HMSD: variants seen among roughly 807,000 people sequenced by gnomAD.
HMSD encodes the protein histocompatibility minor serpin domain containing.
HMSD carries 13 observed loss-of-function variants against 10.0 expected under a neutral mutation model. The ratio of observed to expected loss-of-function variants is 1.31; its 90% CI spans 0.85 to 2.08. The LOEUF (loss-of-function observed/expected upper bound fraction) is 2.08. Among genes scored for constraint, HMSD ranks in the 30% most tolerant of loss-of-function variants. HMSD has a pLI of 0.00. For synonymous variants in HMSD, 51 were observed against 54.2 expected (o/e 0.94, Z 0.26); for missense variants, 169 against 166.3 (o/e 1.02, Z -0.09).
rs1344318793 is a variant in HMSD, at chr18:63,953,171, A to G, written c.-102-183A>G. Among the ~76,000 whole-genome samples the G allele has an allele frequency of 8.5e-5, 13 of 152,188 alleles. No homozygotes were observed. In the East Asian group the frequency reaches 2.5e-3, roughly 29 times the overall value. ...GTGCAGACATTCACTCACAGCACCTATCTCATCAGCTTGTATGGATTAAAT... is the reference window on the plus strand; with the variant it reads ...GTGCAGACATTCACTCACAGCACCTGTCTCATCAGCTTGTATGGATTAAAT... On this transcript the variant is annotated intron_variant, in intron 1 of 3. Coordinates refer to ENST00000408945, the MANE Select transcript of HMSD (RefSeq NM_001123366.2).
At chr18:63,955,109 C>T (rs2050351443) in intron 3 of HMSD, among the ~76,000 whole-genome samples, 1 of 152,200 alleles carries the variant, frequency 6.6e-6, no homozygotes, top group Non-Finnish European at 1.5e-5. Flanking sequence ...TTTCTTATGC[C>T]ACAACTCCCC....
chr18:63,963,107 TTCTTTC>T (rs1163004826), downstream of HMSD, among the ~76,000 whole-genome samples: 1 of 134,250 alleles, frequency 7.4e-6, no homozygotes, highest in Non-Finnish European at 1.6e-5. Context: ...CTTTCTTTCT[TTCTTTC>T]TTTCTTTCTT....
At chr18:63,955,558 CA>C (rs1392584595) in intron 3 of HMSD, among the ~76,000 whole-genome samples, 1 of 152,090 alleles carries the variant, frequency 6.6e-6, no homozygotes, top group African/African-American at 2.4e-5. Context: ...TTACATTCTG[CA>C]GGGGGTATTT....
rs200019033 is a variant in HMSD at position 63,954,596 on chromosome 18, A to T, written c.222+39A>T. The T allele has an allele frequency of 1.3e-4, 200 of 1,566,928 alleles. No individual in the cohort carries two copies. The African/African-American group carries it at 2.5e-3, about 20-fold the overall frequency. On this transcript the variant is annotated intron_variant, in intron 3 of 3. Transcript: ENST00000408945. ...GTTTATTAGGAAAATAAAGATAGCA[A>T]TGTGGTGGGAAGTAGGAGAATGAAT...
At chr18:63,964,970 C>A (rs1056402842), downstream of HMSD, among the ~76,000 whole-genome samples, 2 of 152,196 alleles carry the variant, frequency 1.3e-5, no homozygotes, top group African/African-American at 2.4e-5. Context: ...CCTTCTACAT[C>A]TGCTGCCATT....
At chr18:63,952,877 A>G (rs926436935) in intron 1 of HMSD, among the ~76,000 whole-genome samples, 11 of 152,228 alleles carry the variant, frequency 7.2e-5, no homozygotes, top group African/African-American at 2.7e-4. Flanking sequence ...GTCCCAATTT[A>G]CATAATCACA....
downstream of HMSD, among the ~76,000 whole-genome samples, chr18:63,963,109 C>CT (rs1179352628): frequency 1.5e-5 from 2 of 133,012 alleles, no homozygotes; most frequent in African/African-American, 3.1e-5. Context: ...TTCTTTCTTT[C>CT]TTTCTTTCTT....
At chr18:63,958,213 G>C (rs1161507532) in intron 3 of HMSD, among the ~76,000 whole-genome samples, 1 of 152,140 alleles carries the variant, frequency 6.6e-6, no homozygotes, top group Non-Finnish European at 1.5e-5. Context: ...ATTTCATCAG[G>C]ACTTCACAGT....
chr18:63,949,733 C>T (rs929193287), intron 1 of HMSD, among the ~76,000 whole-genome samples: 1 of 152,144 alleles, frequency 6.6e-6, no homozygotes, highest in Non-Finnish European at 1.5e-5. Flanking sequence ...AATGAGGCCT[C>T]CCACCCTGGT....
downstream of HMSD, among the ~76,000 whole-genome samples, chr18:63,963,144 TCTCTCTC>T (rs2050396700): frequency 1.4e-5 from 2 of 141,562 alleles, no homozygotes; most frequent in South Asian, 2.2e-4. Context: ...CTTTCTTTCT[TCTCTCTC>T]TCTTCTTTCT....
intron 3 of HMSD, among the ~76,000 whole-genome samples, chr18:63,959,686 T>A (rs1271431739): frequency 6.6e-6 from 1 of 152,200 alleles, no homozygotes; most frequent in African/African-American, 2.4e-5. Context: ...TCAACTATGT[T>A]CTTTACTAAT....
intron 1 of HMSD, among the ~76,000 whole-genome samples, chr18:63,950,789 T>G (rs1044667451): frequency 2.6e-5 from 4 of 152,110 alleles, no homozygotes; most frequent in African/African-American, 9.7e-5. Flanking sequence ...GTCCTTACAT[T>G]TGTTTGGCTT....
intron 1 of HMSD, among the ~76,000 whole-genome samples, 159 bp downstream of exon 1, chr18:63,949,559 G>C (rs1331376177): frequency 6.6e-6 from 1 of 152,210 alleles, no homozygotes; most frequent in Non-Finnish European, 1.5e-5. Context: ...TTCTTTACTC[G>C]GTCTCTGGCG....
chr18:63,953,267 C>A, intron 1 of HMSD, 87 bp from the exon 2 acceptor site: 2 of 529,938 alleles, frequency 3.8e-6, no homozygotes, highest in Non-Finnish European at 6.9e-6. Flanking sequence ...AACAAGTATC[C>A]ATTTAACTAG....
Position 63,960,343 on chromosome 18 carries a change from C to A in HMSD, c.408C>A (p.Asn136Lys). 3 of 1,580,806 alleles carry A rather than the reference C, an allele frequency of 1.9e-6. No homozygotes were observed. Among genetic ancestry groups the A allele is most frequent in the Non-Finnish European group, 2.6e-6 (3 of 1,164,808 alleles). Residue 136 changes from asparagine (N) to lysine (K), a missense_variant, in exon 4 of 4, where the codon AAC becomes AAA. Coordinates refer to ENST00000408945, the MANE Select transcript of HMSD (RefSeq NM_001123366.2). Reference protein sequence around the residue: ...LNSFIVSSLQNCQI With the variant: ...LNSFIVSSLQKCQI Reference sequence around the variant, plus strand: ...GTTTTATAGTCAGTTCTTTACAAAACTGTCAAATATAAAAAGGAGTCCTTT... The same window carrying A: ...GTTTTATAGTCAGTTCTTTACAAAAATGTCAAATATAAAAAGGAGTCCTTT...
At chr18:63,950,802 A>G (rs2050326633) in intron 1 of HMSD, among the ~76,000 whole-genome samples, 1 of 152,224 alleles carries the variant, frequency 6.6e-6, no homozygotes. Flanking sequence ...TTTGGCTTTA[A>G]AAAGCAGTAT....
rs913496171 is a variant in HMSD, at chr18:63,960,996, G to C, written c.*641G>C. 1.3e-5 allele frequency: 2 copies of C among 152,450 alleles called. No individual in the cohort carries two copies. Among genetic ancestry groups the C allele is most frequent in the Admixed American group, 1.3e-4 (2 of 15,286 alleles). The allele number at this position is 152,450 out of a possible 1,614,324, so 9.4% of individuals were successfully genotyped here. On this transcript the variant is annotated 3_prime_UTR_variant, in exon 4 of 4. Coordinates refer to ENST00000408945, the MANE Select transcript of HMSD (RefSeq NM_001123366.2). Reference sequence around the variant, plus strand: ...TTGGACTTGGAAAGAAGTCTGAAAGGTGGGGAATAATCAGCCCATATGATT... The same window carrying C: ...TTGGACTTGGAAAGAAGTCTGAAAGCTGGGGAATAATCAGCCCATATGATT...
intron 3 of HMSD, among the ~76,000 whole-genome samples, chr18:63,967,020 A>G (rs1370050125): frequency 6.6e-6 from 1 of 152,180 alleles, no homozygotes; most frequent in Non-Finnish European, 1.5e-5. Flanking sequence ...AAAACCAGGG[A>G]AGATTGCTGG....
At chr18:63,963,083 T>TTTCTTTCTCTTTC (rs1491052076), downstream of HMSD, among the ~76,000 whole-genome samples, 2 of 47,970 alleles carry the variant, frequency 4.2e-5, no homozygotes, top group Non-Finnish European at 7.7e-5. Flanking sequence ...CTTTCTTTCT[T>TTTCTTTCTCTTTC]TCTTTCTTTC....
Sources: gnomAD v4.1 joint callset for allele counts (sites outside exome capture counted in the v4.1 genomes callset) on GRCh38, gnomAD v4.1.1 for gene constraint, MANE v1.5 for transcripts, NCBI Gene and HGNC (gene_info 2026-07-23, HGNC 2026-07-21) for gene names.